The following OR51B5 variants were observed in gnomAD, a reference collection of about 807,000 sequenced individuals.
OR51B5 encodes the protein olfactory receptor family 51 subfamily B member 5, also known as olfactory receptor 51B5.
For synonymous variants in OR51B5, 186 were observed against 144.8 expected, an observed-to-expected ratio of 1.28 and a Z score of -2.04; for missense variants, 456 against 374.6, an observed-to-expected ratio of 1.22 and a Z score of -1.79.
At chr11:5,441,934 C>T (rs1850695135) in intron 1 of OR51B5, among the ~76,000 whole-genome samples, 1 of 152,152 alleles carries the variant, frequency 6.6e-6, no homozygotes. Context: ...TCACCCCAGC[C>T]TCCCAATCCC....
intron 1 of OR51B5, among the ~76,000 whole-genome samples, chr11:5,410,818 A>G (rs1850137779): frequency 6.6e-6 from 1 of 152,156 alleles, no homozygotes; most frequent in Admixed American, 6.5e-5. Context: ...CCATGTCTTA[A>G]TTTTTAACAA....
chr11:5,463,656 G>T (rs868265796), intron 1 of OR51B5, among the ~76,000 whole-genome samples: 1 of 152,010 alleles, frequency 6.6e-6, no homozygotes, highest in Non-Finnish European at 1.5e-5. Flanking sequence ...TGTTTATAAG[G>T]AATATAACAG....
intron 1 of OR51B5, chr11:5,393,058 C>T (rs1849820552): frequency 6.6e-6 from 1 of 152,164 alleles, no homozygotes; most frequent in South Asian, 2.1e-4. Flanking sequence ...AATATTCATG[C>T]TCTGTGTCTC....
intron 1 of OR51B5, among the ~76,000 whole-genome samples, chr11:5,369,874 G>A (rs1359621024): frequency 6.6e-6 from 1 of 152,166 alleles, no homozygotes; most frequent in East Asian, 1.9e-4. Context: ...GTCAACAGTT[G>A]TTAAAAGTGA....
intron 1 of OR51B5, among the ~76,000 whole-genome samples, chr11:5,407,301 A>ATC (rs1158170268): frequency 6.6e-6 from 1 of 152,198 alleles, no homozygotes; most frequent in Non-Finnish European, 1.5e-5. Flanking sequence ...TGATGAGTGA[A>ATC]TCTCTACACA....
At chr11:5,395,187 G>C (rs982647684) in intron 1 of OR51B5, among the ~76,000 whole-genome samples, 2 of 152,196 alleles carry the variant, frequency 1.3e-5, no homozygotes, top group Admixed American at 1.3e-4. Context: ...TCCATCTAGG[G>C]AGATTCCTTT....
At chr11:5,455,640 A>G (rs1397317634) in intron 1 of OR51B5, 1 of 152,042 alleles carries the variant, frequency 6.6e-6, no homozygotes, top group Non-Finnish European at 1.5e-5. Context: ...AGAGAGATGC[A>G]CTAGGTAGTC....
intron 1 of OR51B5, among the ~76,000 whole-genome samples, chr11:5,401,780 G>A (rs1365216988): frequency 6.6e-6 from 1 of 151,970 alleles, no homozygotes; most frequent in Non-Finnish European, 1.5e-5. Context: ...TTGATCCAAG[G>A]TGCACTACAC....
At chr11:5,463,054 G>A (rs1221166400) in intron 1 of OR51B5, among the ~76,000 whole-genome samples, 2 of 152,320 alleles carry the variant, frequency 1.3e-5, no homozygotes, top group African/African-American at 2.4e-5. Context: ...TTGTTTTGTC[G>A]TATTAGGGGT....
At chr11:5,382,128 A>G (rs1275949452) in intron 1 of OR51B5, among the ~76,000 whole-genome samples, 1 of 152,234 alleles carries the variant, frequency 6.6e-6, no homozygotes, top group African/African-American at 2.4e-5. Context: ...CATGTCATAT[A>G]AACTCATTCA....
intron 1 of OR51B5, among the ~76,000 whole-genome samples, chr11:5,362,373 A>T (rs1849297015): frequency 2.0e-5 from 3 of 152,242 alleles, no homozygotes; most frequent in African/African-American, 7.2e-5. Context: ...TCAGGAATTT[A>T]GTGTATTTGT....
At chr11:5,343,299 T>G in exon 1 of OR51B5, 2 of 1,612,072 alleles carry the variant, frequency 1.2e-6, no homozygotes, top group South Asian at 2.2e-5. Flanking sequence ...ACCGTGGGCA[T>G]TGTGGTCAGG....
At chr11:5,411,076 A>G (rs893670015) in intron 1 of OR51B5, among the ~76,000 whole-genome samples, 1 of 152,206 alleles carries the variant, frequency 6.6e-6, no homozygotes. Flanking sequence ...CAGTGTTTAT[A>G]AAGTCCATAA....
intron 1 of OR51B5, among the ~76,000 whole-genome samples, chr11:5,490,785 A>T (rs1020222717): frequency 3.3e-5 from 5 of 152,226 alleles, no homozygotes; most frequent in South Asian, 2.1e-4. Flanking sequence ...CTTATCTACT[A>T]GCTGCAAGAA....
chr11:5,439,200 G>A (rs1364687777), intron 1 of OR51B5, among the ~76,000 whole-genome samples: 1 of 152,220 alleles, frequency 6.6e-6, no homozygotes, highest in African/African-American at 2.4e-5. Context: ...GGCATGACAG[G>A]AGGTAGGAAT....
At chr11:5,380,874 T>C (rs1316573384) in intron 1 of OR51B5, among the ~76,000 whole-genome samples, 1 of 152,126 alleles carries the variant, frequency 6.6e-6, no homozygotes, top group East Asian at 1.9e-4. Context: ...TCTTGTGCCC[T>C]GGGGATAGTA....
chr11:5,454,458 T>C (rs1201989154), intron 1 of OR51B5: 1 of 1,542,994 alleles, frequency 6.5e-7, no homozygotes, highest in Non-Finnish European at 8.8e-7. Flanking sequence ...ATCTGTTATT[T>C]TGGCCATAGG....
At chr11:5,483,503 A>G (rs1851456144) in intron 1 of OR51B5, among the ~76,000 whole-genome samples, 2 of 129,736 alleles carry the variant, frequency 1.5e-5, no homozygotes, top group Non-Finnish European at 3.3e-5. Flanking sequence ...AACTTAAAGT[A>G]TAATTAAAAA....
At chr11:5,390,273 A>G (rs769141782) in intron 1 of OR51B5, 4 of 1,613,816 alleles carry the variant, frequency 2.5e-6, no homozygotes, top group African/African-American at 2.7e-5. Flanking sequence ...GCCAATGTCT[A>G]CCTTTTTGTG....
Sources: gnomAD v4.1 joint callset for allele counts (sites outside exome capture counted in the v4.1 genomes callset) on GRCh38, gnomAD v4.1.1 for gene constraint, MANE v1.5 for transcripts, NCBI Gene and HGNC (gene_info 2026-07-23, HGNC 2026-07-21) for gene names.